The following MRPL15 variants were observed in gnomAD, a reference collection of about 807,000 sequenced individuals.
The protein encoded by MRPL15 is mitochondrial ribosomal protein L15.
Under a neutral mutation model 28.0 loss-of-function variants are expected in MRPL15, and 24 were observed. The observed-to-expected ratio is 0.86, with a 90% CI of 0.62 to 1.21. The LOEUF (loss-of-function observed/expected upper bound fraction) is 1.21, where lower values mean the gene tolerates loss of function less well. Among genes scored for constraint, MRPL15 ranks in the 50% most tolerant of loss-of-function variants. MRPL15 has a pLI of 0.00. For synonymous variants in MRPL15, 124 were observed against 137.0 expected, an observed-to-expected ratio of 0.90 and a Z score of 0.66; for missense variants, 343 against 372.4, an observed-to-expected ratio of 0.92 and a Z score of 0.65.
chr8:54,136,477 C>T (rs1035520323), intron 1 of MRPL15, 34 bp from the exon 2 acceptor site: 10 of 1,585,382 alleles, frequency 6.3e-6, no homozygotes, highest in Non-Finnish European at 7.7e-6. Flanking sequence ...AGAAATGCAT[C>T]TGAAATTCAT....
chr8:54,137,945 G>A (rs1810856255), intron 3 of MRPL15, among the ~76,000 whole-genome samples: 1 of 151,764 alleles, frequency 6.6e-6, no homozygotes, highest in Non-Finnish European at 1.5e-5. Context: ...TGTAAAGCTT[G>A]CCTTCTTTTT....
chr8:54,142,109 A>C (rs1663990564), intron 3 of MRPL15, among the ~76,000 whole-genome samples: 2 of 151,966 alleles, frequency 1.3e-5, no homozygotes, highest in South Asian at 4.2e-4. Context: ...TTGGCCTCCC[A>C]AAGTGCTGGG....
At chr8:54,135,570 CTTTTTTTTTT>C (rs537299219) in intron 1 of MRPL15, among the ~76,000 whole-genome samples, 179 bp downstream of exon 1, 76 of 116,896 alleles carry the variant, frequency 6.5e-4, no homozygotes, top group East Asian at 2.4e-3. Context: ...GCACCCAGTT[CTTTTTTTTTT>C]TTTTTTTTTT....
In MRPL15 at chr8:54,143,939, C is replaced by T. The variant is rs563435245; in HGVS notation, c.553+1153C>T. Among the ~76,000 whole-genome samples the T allele has an allele frequency of 9.3e-4, 142 of 152,356 alleles. 1 individual carries two copies. Among genetic ancestry groups the T allele is most frequent in the Non-Finnish European group, 1.5e-3 (100 of 68,038 alleles). ...TCCAGGTCTCTGCTTATTAGGAGAT[C>T]TTTCTCACCTGTACTAAATAAAAGA... On this transcript the variant is annotated intron_variant, in intron 4 of 4. Transcript: ENST00000260102.
chr8:54,142,604 C>T (rs902432187), intron 3 of MRPL15, 59 bp from the exon 4 acceptor site: 3 of 1,580,956 alleles, frequency 1.9e-6, no homozygotes, highest in African/African-American at 2.7e-5. Flanking sequence ...GGAAGCTTGA[C>T]ATAATTAATT....
At chr8:54,135,570 CTTTTTT>C (rs537299219) in intron 1 of MRPL15, among the ~76,000 whole-genome samples, 179 bp downstream of exon 1, 36 of 116,906 alleles carry the variant, frequency 3.1e-4, no homozygotes, top group South Asian at 2.5e-3. Flanking sequence ...GCACCCAGTT[CTTTTTT>C]TTTTTTTTTT....
rs1427100499 is a variant in MRPL15, at chr8:54,148,103, T to C, written c.*384T>C. Reference sequence around the variant, plus strand: ...CCTGCTCTGCCGAGATGAGAGCAGATGGAATGAGTTGGTGACCCCTCTTAA... The same window carrying C: ...CCTGCTCTGCCGAGATGAGAGCAGACGGAATGAGTTGGTGACCCCTCTTAA... On this transcript the variant is annotated 3_prime_UTR_variant, in exon 5 of 5. Transcript: ENST00000260102. 6.6e-6 allele frequency among the ~76,000 whole-genome samples: 1 copy of C among 152,144 alleles called. No individual in the cohort carries two copies. The highest frequency in any genetic ancestry group is 1.5e-5 in the Non-Finnish European group (1 of 68,022).
intron 1 of MRPL15, among the ~76,000 whole-genome samples, chr8:54,135,615 G>A (rs1190283474): frequency 7.7e-5 from 10 of 129,802 alleles, no homozygotes; most frequent in African/African-American, 2.9e-4. Flanking sequence ...GGCTTGCTCT[G>A]TCGCCCAGAA....
At chr8:54,144,313 A>G (rs1343174261) in intron 4 of MRPL15, among the ~76,000 whole-genome samples, 2 of 152,350 alleles carry the variant, frequency 1.3e-5, no homozygotes, top group East Asian at 3.9e-4. Context: ...TTTTACATTC[A>G]AATGGGAGTT....
At chr8:54,140,232 C>T (rs115024858) in intron 3 of MRPL15, among the ~76,000 whole-genome samples, 2,314 of 152,118 alleles carry the variant, frequency 0.015, 52 homozygotes, top group African/African-American at 0.053. Context: ...TTTCAGAGTT[C>T]AGAGCTACAT....
Position 54,147,430 on chromosome 8 carries a change from C to CA in MRPL15, c.607dup (p.Arg203LysfsTer14), listed in dbSNP as rs1289196832. 6.2e-7 allele frequency: 1 copy of CA among 1,613,612 alleles called. No individual in the cohort carries two copies. The highest frequency in any genetic ancestry group is 8.5e-7 in the Non-Finnish European group (1 of 1,179,786). The stretch of plus-strand genomic sequence containing the variant: ...TTCTTTCTTCGTGGACAACCCATTC[C>CA]AAAAAGAATGCTTCCACCAGAAGAA... On this transcript the variant is annotated frameshift_variant, in exon 5 of 5. Coordinates refer to ENST00000260102, the MANE Select transcript of MRPL15 (RefSeq NM_014175.4). LOFTEE classifies it high-confidence loss of function.
At chr8:54,140,591 T>TTTTTTTTTTTTTTTTTTTG in intron 3 of MRPL15, among the ~76,000 whole-genome samples, 1 of 136,970 alleles carries the variant, frequency 7.3e-6, no homozygotes, top group East Asian at 2.3e-4. Context: ...TTTTTTTTTT[T>TTTTTTTTTTTTTTTTTTTG]GAGATGGAGT....
At chr8:54,143,126 G>A (rs1810959471) in intron 4 of MRPL15, among the ~76,000 whole-genome samples, 1 of 151,868 alleles carries the variant, frequency 6.6e-6, no homozygotes, top group African/African-American at 2.4e-5. Context: ...TGTTGCCCAG[G>A]CTGGAGTGCA....
At position 54,147,568 on chromosome 8, in the gene MRPL15, T is replaced by C. The variant is rs1304742601; in HGVS notation, c.740T>C (p.Ile247Thr). 1 of 1,614,052 alleles carries C rather than the reference T, an allele frequency of 6.2e-7. No homozygotes were observed. The highest frequency in any genetic ancestry group is 8.5e-7 in the Non-Finnish European group (1 of 1,180,044). The change falls in exon 5 of 5, where the codon ATC (isoleucine) becomes ACC (threonine). Residue 247 changes from isoleucine (I) to threonine (T), a missense_variant. Physicochemically the swap from Ile to Thr is moderately conservative, Grantham distance 89. Transcript: ENST00000260102. ...AAGTATGGTTATATCTTACCTGATATCACTAAAGATGAACTCTTCAAAATG... is the reference window on the plus strand; with the variant it reads ...AAGTATGGTTATATCTTACCTGATACCACTAAAGATGAACTCTTCAAAATG... ...ARKYGYILPD[I>T]TKDELFKMLC...
chr8:54,142,811 C>A (rs749297485), intron 4 of MRPL15, 25 bp downstream of exon 4: 1 of 1,609,644 alleles, frequency 6.2e-7, no homozygotes, highest in East Asian at 2.2e-5. Flanking sequence ...CGGTCATTTT[C>A]TTCTTTCTCT....
At chr8:54,136,331 T>C (rs1219081207) in intron 1 of MRPL15, among the ~76,000 whole-genome samples, 180 bp from the exon 2 acceptor site, 4 of 152,230 alleles carry the variant, frequency 2.6e-5, no homozygotes, top group Non-Finnish European at 5.9e-5. Context: ...GCTATGTCTT[T>C]AGAGGCAAAG....
At chr8:54,142,841 C>A in intron 4 of MRPL15, 55 bp downstream of exon 4, 4 of 1,605,060 alleles carry the variant, frequency 2.5e-6, no homozygotes, top group Non-Finnish European at 3.4e-6. Context: ...ATGTTGGCTA[C>A]TAATTTTAAA....
intron 3 of MRPL15, among the ~76,000 whole-genome samples, chr8:54,142,276 T>C (rs1810941004): frequency 6.6e-6 from 1 of 152,104 alleles, no homozygotes; most frequent in African/African-American, 2.4e-5. Context: ...CACCTCAGCC[T>C]CCTGAGTAGC....
chr8:54,136,713 A>T, intron 2 of MRPL15, 48 bp downstream of exon 2: 1 of 1,546,508 alleles, frequency 6.5e-7, no homozygotes, highest in Admixed American at 2.1e-5. Flanking sequence ...TTTCCATTAA[A>T]AAGCACCTAA....
Sources: gnomAD v4.1 joint callset for allele counts (sites outside exome capture counted in the v4.1 genomes callset) on GRCh38, gnomAD v4.1.1 for gene constraint, MANE v1.5 for transcripts, NCBI Gene and HGNC (gene_info 2026-07-23, HGNC 2026-07-21) for gene names.